The following ZSCAN5A variants were observed in gnomAD, a reference collection of about 807,000 sequenced individuals.
ZSCAN5A encodes the protein zinc finger and SCAN domain-containing protein 5A.
In ZSCAN5A, 12 loss-of-function variants were observed where a neutral mutation model predicts 23.7. The observed-to-expected ratio is 0.51, with a 90% CI of 0.32 to 0.82. The LOEUF (loss-of-function observed/expected upper bound fraction) is 0.82, where lower values mean the gene tolerates loss of function less well. Ranked by LOEUF, ZSCAN5A falls within the 40% of genes least tolerant of loss-of-function variation. The pLI, the probability that ZSCAN5A is intolerant of heterozygous loss-of-function variation, is 0.03. For missense variants in ZSCAN5A, 597 were observed against 617.9 expected (o/e 0.97, Z 0.36); for synonymous variants, 257 against 239.9 (o/e 1.07, Z -0.66).
chr19:56,297,603 C>T (rs2039965296), intron 2 of ZSCAN5A: 2 of 869,672 alleles, frequency 2.3e-6, no homozygotes, highest in Non-Finnish European at 1.4e-6. Context: ...TATGATAAAG[C>T]CTTAGAAGAG....
intron 2 of ZSCAN5A, among the ~76,000 whole-genome samples, chr19:56,326,699 G>A (rs7246793): frequency 6.6e-6 from 1 of 151,906 alleles, no homozygotes; most frequent in African/African-American, 2.4e-5. Flanking sequence ...GTAAATGTGC[G>A]GCATCTCTCC....
At chr19:56,249,320 G>A (rs2036180240) in intron 2 of ZSCAN5A, among the ~76,000 whole-genome samples, 1 of 152,180 alleles carries the variant, frequency 6.6e-6, no homozygotes. Flanking sequence ...CAGGCTGGCT[G>A]GAGTGCAGTC....
At chr19:56,225,540 A>G (rs2033839160) in intron 2 of ZSCAN5A, 1 of 153,264 alleles carries the variant, frequency 6.5e-6, no homozygotes, top group Non-Finnish European at 1.5e-5. Flanking sequence ...AGTCATAATT[A>G]TGCAAAAGGA....
chr19:56,235,449 G>C (rs1453768050), intron 2 of ZSCAN5A, among the ~76,000 whole-genome samples: 1 of 58,350 alleles, frequency 1.7e-5, no homozygotes. Flanking sequence ...TCTGATGGAC[G>C]GTGGGCCAAG....
chr19:56,258,238 T>C (rs142869450), intron 2 of ZSCAN5A, among the ~76,000 whole-genome samples: 58 of 152,350 alleles, frequency 3.8e-4, no homozygotes, highest in Non-Finnish European at 7.6e-4. Context: ...ACAACCAAGC[T>C]TATCTCTTCT....
intron 2 of ZSCAN5A, chr19:56,341,250 T>C (rs1327645509): frequency 6.6e-6 from 1 of 152,036 alleles, no homozygotes; most frequent in Non-Finnish European, 1.5e-5. Context: ...CTCCAAGAAA[T>C]ATGAGACTAT....
chr19:56,294,836 C>T (rs911177290), intron 2 of ZSCAN5A, among the ~76,000 whole-genome samples: 1 of 152,208 alleles, frequency 6.6e-6, no homozygotes, highest in Non-Finnish European at 1.5e-5. Flanking sequence ...ACAACATAAA[C>T]GCGCCTTGAA....
chr19:56,247,892 C>CA (rs369709352), intron 2 of ZSCAN5A, among the ~76,000 whole-genome samples: 3 of 152,036 alleles, frequency 2.0e-5, no homozygotes, highest in Non-Finnish European at 2.9e-5. Context: ...GTGGTTTCAC[C>CA]TGTTAGCCAG....
chr19:56,349,274 C>T (rs921996941), intron 2 of ZSCAN5A, among the ~76,000 whole-genome samples: 2 of 152,162 alleles, frequency 1.3e-5, no homozygotes, highest in African/African-American at 2.4e-5. Flanking sequence ...GTTGTTCTCT[C>T]AACCCCCTTG....
At chr19:56,284,081 C>T (rs963714521) in intron 2 of ZSCAN5A, 72 of 719,060 alleles carry the variant, frequency 1.0e-4, no homozygotes, top group Non-Finnish European at 1.1e-4. Flanking sequence ...CAGCATCTGA[C>T]CTCGTTTTTG....
chr19:56,358,466 C>A (rs1178151157), intron 2 of ZSCAN5A, among the ~76,000 whole-genome samples: 1 of 127,386 alleles, frequency 7.9e-6, no homozygotes, highest in Non-Finnish European at 1.7e-5. Context: ...TGAATACCCA[C>A]CCAATAATAG....
chr19:56,222,292 G>C lies in ZSCAN5A; in HGVS notation c.774C>G (p.Pro258=). 6.2e-7 allele frequency: 1 copy of C among 1,612,820 alleles called. No homozygotes were observed. The highest frequency in any genetic ancestry group is 8.5e-7 in the Non-Finnish European group (1 of 1,179,852). ...DLVRAKEGKD[P]PKIASVENVD... is the part of the protein sequence containing the mutation. ...CATTTTCCACAGAGGCTATTTTTGG[G>C]GGGTCCTTCCCCTCCTTTGCTCTCA... The change falls in exon 6 of 6, where the codon CCC becomes CCG. Residue 258 remains proline, a synonymous_variant. Coordinates refer to ENST00000683990, the MANE Select transcript of ZSCAN5A (RefSeq NM_001322064.3).
intron 2 of ZSCAN5A, among the ~76,000 whole-genome samples, chr19:56,239,651 C>T (rs936747444): frequency 7.9e-5 from 12 of 151,960 alleles, no homozygotes; most frequent in African/African-American, 2.7e-4. Flanking sequence ...CATGTGAATT[C>T]CAAGAGTTTG....
chr19:56,245,444 G>C (rs757649043), intron 2 of ZSCAN5A: 21 of 639,124 alleles, frequency 3.3e-5, no homozygotes, highest in Non-Finnish European at 5.7e-6. Context: ...GTGAGGCCCT[G>C]GTGTCTGGGC....
At chr19:56,227,380 A>C (rs1453028862) in intron 2 of ZSCAN5A, among the ~76,000 whole-genome samples, 1 of 152,208 alleles carries the variant, frequency 6.6e-6, no homozygotes, top group Non-Finnish European at 1.5e-5. Flanking sequence ...GAAATTCTGG[A>C]ATTAAAAGTG....
chr19:56,293,179 A>T (rs2039633341), intron 2 of ZSCAN5A, among the ~76,000 whole-genome samples: 1 of 152,214 alleles, frequency 6.6e-6, no homozygotes. Context: ...CCTGCAGCTC[A>T]AGAGCACGTT....
intron 2 of ZSCAN5A, among the ~76,000 whole-genome samples, chr19:56,255,690 G>T (rs1420636284): frequency 2.7e-4 from 41 of 151,594 alleles, no homozygotes; most frequent in Non-Finnish European, 7.4e-5. Flanking sequence ...TAATTACACA[G>T]CCTACCTGGA....
chr19:56,260,778 G>A (rs2037071595), intron 2 of ZSCAN5A, among the ~76,000 whole-genome samples: 1 of 152,204 alleles, frequency 6.6e-6, no homozygotes, highest in African/African-American at 2.4e-5. Context: ...TTTCTTGAGA[G>A]AAGCTTGGGA....
intron 2 of ZSCAN5A, among the ~76,000 whole-genome samples, chr19:56,256,346 C>T (rs1193723358): frequency 1.3e-5 from 2 of 152,074 alleles, no homozygotes; most frequent in Non-Finnish European, 2.9e-5. Context: ...GTGCACACCA[C>T]CACACCCGGC....
Sources: gnomAD v4.1 joint callset for allele counts (sites outside exome capture counted in the v4.1 genomes callset) on GRCh38, gnomAD v4.1.1 for gene constraint, MANE v1.5 for transcripts, NCBI Gene and HGNC (gene_info 2026-07-23, HGNC 2026-07-21) for gene names.